Variants in SMYD3 observed in about 807,000 individuals in gnomAD.
SMYD3 encodes the protein SET and MYND domain containing 3, also known as histone-lysine N-methyltransferase SMYD3.
Under a neutral mutation model 57.7 loss-of-function variants are expected in SMYD3, and 36 were observed. The observed-to-expected ratio is 0.62, with a 90% CI of 0.48 to 0.82. SMYD3 has a LOEUF of 0.82. Among genes scored for constraint, SMYD3 ranks in the 40% least tolerant of loss-of-function variants. SMYD3 has a pLI of 0.00. For missense variants in SMYD3, 515 were observed against 538.8 expected, an observed-to-expected ratio of 0.96 and a Z score of 0.44; for synonymous variants, 211 against 195.0, an observed-to-expected ratio of 1.08 and a Z score of -0.68.
intron 2 of SMYD3, among the ~76,000 whole-genome samples, chr1:246,353,890 G>A (rs776965392): frequency 7.2e-5 from 11 of 152,200 alleles, no homozygotes; most frequent in Non-Finnish European, 1.5e-4. Context: ...CACAGTGTGT[G>A]TTTTCCCTGA....
intron 3 of SMYD3, among the ~76,000 whole-genome samples, chr1:246,331,671 A>G (rs1378216519): frequency 6.6e-6 from 1 of 152,230 alleles, no homozygotes; most frequent in Non-Finnish European, 1.5e-5. Context: ...GGCATACCTC[A>G]TTTTATCACA....
At chr1:246,397,144 G>A (rs528575566) in intron 1 of SMYD3, among the ~76,000 whole-genome samples, 3 of 152,266 alleles carry the variant, frequency 2.0e-5, no homozygotes, top group East Asian at 1.9e-4. Context: ...GGTGAGTAGC[G>A]GGCAAGCAGG....
chr1:246,276,096 TAACTCTGTTTTTCACTA>T (rs1280164428), intron 5 of SMYD3, among the ~76,000 whole-genome samples: 1 of 122,796 alleles, frequency 8.1e-6, no homozygotes, highest in Non-Finnish European at 1.8e-5. Context: ...GTTTGAATAC[TAACTCTGTTTTTCACTA>T]GTCGTATTAA....
chr1:246,187,562 T>C (rs550596237), intron 5 of SMYD3, among the ~76,000 whole-genome samples: 1 of 152,322 alleles, frequency 6.6e-6, no homozygotes, highest in East Asian at 1.9e-4. Context: ...GATTTTTCAA[T>C]AGCTCCACTG....
intron 5 of SMYD3, among the ~76,000 whole-genome samples, chr1:246,284,219 T>C (rs2148579002): frequency 6.6e-6 from 1 of 152,274 alleles, no homozygotes; most frequent in African/African-American, 2.4e-5. Flanking sequence ...AGTGCTGCAG[T>C]ACTTCTGCAT....
intron 5 of SMYD3, among the ~76,000 whole-genome samples, chr1:246,232,174 T>G (rs1441080952): frequency 1.3e-5 from 2 of 152,200 alleles, no homozygotes; most frequent in African/African-American, 2.4e-5. Flanking sequence ...ACATGAAGCT[T>G]ACTCAGTGGT....
intron 8 of SMYD3, among the ~76,000 whole-genome samples, chr1:245,873,220 C>G (rs2052313586): frequency 6.6e-6 from 1 of 152,178 alleles, no homozygotes; most frequent in Non-Finnish European, 1.5e-5. Flanking sequence ...ACCCTCCCCC[C>G]ATACTGGAAA....
intron 5 of SMYD3, among the ~76,000 whole-genome samples, chr1:246,072,791 G>C (rs768128994): frequency 7.2e-6 from 1 of 139,596 alleles, no homozygotes; most frequent in Non-Finnish European, 1.5e-5. Context: ...CTTTCTCTCT[G>C]AGAGATGAGA....
At chr1:246,405,274 G>A (rs1001231883) in intron 1 of SMYD3, among the ~76,000 whole-genome samples, 3 of 152,044 alleles carry the variant, frequency 2.0e-5, no homozygotes, top group South Asian at 2.1e-4. Context: ...ATTTTTACAC[G>A]TATACACAAT....
At chr1:246,356,429 A>T (rs1178011786) in intron 1 of SMYD3, among the ~76,000 whole-genome samples, 2 of 152,212 alleles carry the variant, frequency 1.3e-5, no homozygotes, top group Non-Finnish European at 2.9e-5. Flanking sequence ...CCAGCAATGG[A>T]TCCAAACCAA....
At chr1:246,159,812 G>A (rs988127628) in intron 5 of SMYD3, among the ~76,000 whole-genome samples, 1 of 152,046 alleles carries the variant, frequency 6.6e-6, no homozygotes, top group African/African-American at 2.4e-5. Flanking sequence ...CCAGGTCCTG[G>A]AGTGGGGGGA....
intron 5 of SMYD3, among the ~76,000 whole-genome samples, chr1:246,036,602 G>A (rs1347139094): frequency 6.7e-6 from 1 of 149,730 alleles, no homozygotes; most frequent in African/African-American, 2.5e-5. Context: ...TGCCCAGGCT[G>A]GAGTGCAGTG....
chr1:245,804,191 G>A (rs776513922), intron 10 of SMYD3, among the ~76,000 whole-genome samples: 29 of 152,128 alleles, frequency 1.9e-4, no homozygotes, highest in African/African-American at 5.1e-4. Context: ...GATTACAGGC[G>A]TGAGGCACCG....
chr1:246,062,798 G>A (rs2060275810), intron 5 of SMYD3, among the ~76,000 whole-genome samples: 1 of 151,878 alleles, frequency 6.6e-6, no homozygotes, highest in Non-Finnish European at 1.5e-5. Context: ...AATGCTTGCT[G>A]AATGAATTAA....
chr1:246,247,463 CTCTATATATA>C (rs1210624909), intron 5 of SMYD3, among the ~76,000 whole-genome samples: 1 of 105,344 alleles, frequency 9.5e-6, no homozygotes, highest in African/African-American at 3.4e-5. Context: ...CTCTCTCTCT[CTCTATATATA>C]TATATATATA....
chr1:246,012,054 T>G (rs1395815572), intron 5 of SMYD3, among the ~76,000 whole-genome samples: 1 of 152,170 alleles, frequency 6.6e-6, no homozygotes, highest in South Asian at 2.1e-4. Flanking sequence ...CCACTGATAC[T>G]GGCTACCAAC....
At chr1:246,506,182 T>C (rs1052672555) in intron 1 of SMYD3, among the ~76,000 whole-genome samples, 1 of 152,216 alleles carries the variant, frequency 6.6e-6, no homozygotes, top group Non-Finnish European at 1.5e-5. Flanking sequence ...AATAGAACTC[T>C]TCTTCCTCGC....
intron 5 of SMYD3, among the ~76,000 whole-genome samples, chr1:245,959,585 C>A (rs2057946796): frequency 6.6e-6 from 1 of 152,174 alleles, no homozygotes; most frequent in Non-Finnish European, 1.5e-5. Context: ...TAAACGCCTT[C>A]CAGTGCTAAG....
At chr1:245,942,814 C>T (rs1283417338) in intron 5 of SMYD3, among the ~76,000 whole-genome samples, 1 of 152,102 alleles carries the variant, frequency 6.6e-6, no homozygotes, top group Non-Finnish European at 1.5e-5. Context: ...CAAATTAGAA[C>T]TCAAGATTAA....
Sources: allele counts gnomAD v4.1 joint callset (sites outside exome capture counted in the v4.1 genomes callset), GRCh38; gene constraint gnomAD v4.1.1; transcripts MANE v1.5; gene names NCBI Gene and HGNC (gene_info 2026-07-23, HGNC 2026-07-21).